The following RMND5A variants were observed in gnomAD, a reference collection of about 807,000 sequenced individuals.
The protein encoded by RMND5A is required for meiotic nuclear division 5 homolog A.
A neutral mutation model predicts 49.7 loss-of-function variants in RMND5A; 17 were observed. The ratio of observed to expected loss-of-function variants is 0.34; its 90% CI spans 0.23 to 0.51. The LOEUF is 0.51. Ranked by LOEUF, RMND5A falls within the 20% of genes least tolerant of loss-of-function variation. The pLI, the probability that RMND5A is intolerant of heterozygous loss-of-function variation, is 0.96. For missense variants in RMND5A, 255 were observed against 471.3 expected, an observed-to-expected ratio of 0.54 and a Z score of 4.25; for synonymous variants, 156 against 167.7, an observed-to-expected ratio of 0.93 and a Z score of 0.54.
chr2:86,733,721 GTTTC>G (rs1681369292), intron 1 of RMND5A, among the ~76,000 whole-genome samples: 1 of 134,930 alleles, frequency 7.4e-6, no homozygotes, highest in Non-Finnish European at 1.5e-5. Context: ...CGTCAGAGTT[GTTTC>G]TTTCAGGCTC....
chr2:86,770,165 A>G (rs1029412559), intron 7 of RMND5A, 40 bp downstream of exon 7: 4 of 1,322,226 alleles, frequency 3.0e-6, no homozygotes, highest in South Asian at 2.3e-5. Flanking sequence ...TTTTACTGCC[A>G]TTAGAAGAAT....
chr2:86,763,970 G>T (rs577811951), intron 4 of RMND5A, among the ~76,000 whole-genome samples: 2 of 152,192 alleles, frequency 1.3e-5, no homozygotes, highest in African/African-American at 4.8e-5. Flanking sequence ...TGACTGTAAG[G>T]TGTGAATACA....
Position 86,775,804 on chromosome 2 carries a change from G to C in RMND5A, c.*2393G>C, listed in dbSNP as rs1672759112. On this transcript the variant is annotated 3_prime_UTR_variant, in exon 9 of 9. Transcript: ENST00000283632. ...CATGAGAGACTAAATGTGAGGGAGA[G>C]GTGGATTTAAAGAGGCCAGACCTTA... 1 of 152,052 alleles carries C rather than the reference G, an allele frequency of 6.6e-6. No individual in the cohort carries two copies. The highest frequency in any genetic ancestry group is 6.6e-5 in the Admixed American group (1 of 15,250). 9.4% of individuals were successfully genotyped at this position (152,052 alleles called of 1,614,324 possible).
chr2:86,725,351 C>T (rs566089824), intron 1 of RMND5A, among the ~76,000 whole-genome samples: 1 of 144,228 alleles, frequency 6.9e-6, no homozygotes, highest in African/African-American at 2.6e-5. Context: ...CACCTGGTTG[C>T]CCACTTCACA....
At chr2:86,770,559 A>G (rs1472309839) in intron 7 of RMND5A, among the ~76,000 whole-genome samples, 4 of 152,226 alleles carry the variant, frequency 2.6e-5, no homozygotes, top group Non-Finnish European at 5.9e-5. Flanking sequence ...AGAGCTCTTA[A>G]AGGTCGTAAC....
chr2:86,754,266 A>C (rs1681691491), intron 4 of RMND5A, among the ~76,000 whole-genome samples: 1 of 152,238 alleles, frequency 6.6e-6, no homozygotes, highest in Non-Finnish European at 1.5e-5. Context: ...AGCAAGCTGT[A>C]TGTGGCCTGT....
At position 86,751,937 on chromosome 2, in the gene RMND5A, C is replaced by T. The variant is rs537969101; in HGVS notation, c.327C>T (p.Cys109=). The T allele has an allele frequency of 1.3e-5, 21 of 1,613,400 alleles. No individual in the cohort carries two copies. In the East Asian group the frequency reaches 4.0e-4, roughly 31 times the overall value. Residue 109 remains cysteine, a synonymous_variant, in exon 3 of 9, where the codon TGC becomes TGT. Transcript: ENST00000283632. ...TTAGCAGTGTGGGAATAGATGGCTG[C>T]TGGCAGGCAGACAGCCAAAGGCTTC... ...SDISSVGIDG[C]WQADSQRLLN...
chr2:86,749,825 A>G (rs1681602473), intron 2 of RMND5A, among the ~76,000 whole-genome samples: 1 of 152,184 alleles, frequency 6.6e-6, no homozygotes, highest in Non-Finnish European at 1.5e-5. Context: ...ACCTTAATGT[A>G]TGTATTCAGT....
At chr2:86,752,132 G>A (rs1681646659) in intron 3 of RMND5A, 102 bp downstream of exon 3, 16 of 1,037,426 alleles carry the variant, frequency 1.5e-5, no homozygotes, top group Non-Finnish European at 2.2e-5. Flanking sequence ...TCTAGCTATA[G>A]ATAGATTTTT....
At chr2:86,766,211 G>GTGTA (rs1190982285) in intron 6 of RMND5A, among the ~76,000 whole-genome samples, 187 bp downstream of exon 6, 1 of 152,160 alleles carries the variant, frequency 6.6e-6, no homozygotes, top group Non-Finnish European at 1.5e-5. Flanking sequence ...TGAAAGTGTG[G>GTGTA]TGTATGAACC....
chr2:86,742,648 G>T (rs2063848), intron 2 of RMND5A, among the ~76,000 whole-genome samples: 100,543 of 151,644 alleles, frequency 0.66, 33,636 homozygotes, highest in East Asian at 0.91. Flanking sequence ...TAGAGGTACA[G>T]TAACTACTGG....
chr2:86,723,999 G>A lies in RMND5A; in HGVS notation c.142+3190G>A, dbSNP rs570389176. ...ACTTGGGGAAATGAGGATAGTATGGGCTGGTCTCTCATACCTGGTGAATTG... is the reference window on the plus strand; with the variant it reads ...ACTTGGGGAAATGAGGATAGTATGGACTGGTCTCTCATACCTGGTGAATTG... On this transcript the variant is annotated intron_variant, in intron 1 of 8. Coordinates refer to ENST00000283632, the MANE Select transcript of RMND5A (RefSeq NM_022780.4). Among the ~76,000 whole-genome samples the A allele has an allele frequency of 1.2e-3, 177 of 152,134 alleles. 1 individual carries two copies. The highest frequency in any genetic ancestry group is 3.6e-3 in the African/African-American group (149 of 41,414).
chr2:86,758,879 AT>A (rs1166774032), intron 4 of RMND5A, among the ~76,000 whole-genome samples: 6 of 152,136 alleles, frequency 3.9e-5, no homozygotes, highest in African/African-American at 1.4e-4. Context: ...CATTCTCTGA[AT>A]TTTTTTAAGC....
At chr2:86,724,183 T>C (rs1439450905) in intron 1 of RMND5A, among the ~76,000 whole-genome samples, 1 of 138,020 alleles carries the variant, frequency 7.2e-6, no homozygotes, top group East Asian at 2.2e-4. Flanking sequence ...AGTGCAGGCT[T>C]CGACTTGGTG....
intron 3 of RMND5A, 86 bp from the exon 4 acceptor site, chr2:86,753,372 A>G (rs1681670919): frequency 2.6e-6 from 2 of 758,738 alleles, no homozygotes; most frequent in African/African-American, 1.7e-5. Context: ...CTTGCCCCAT[A>G]TTTTACAATC....
In RMND5A at chr2:86,765,989, C is replaced by T. The variant is rs777139018; in HGVS notation, c.819C>T (p.Leu273=). ...TCTTTACACGGGATGCTTGTGCCCT[C>T]CTGGGGCTCTCCGTGGAGTCCCCTC... The part of the protein sequence containing the change: ...CDIFTRDACA[L]LGLSVESPLS... Residue 273 remains leucine, a synonymous_variant, in exon 6 of 9, where the codon CTC becomes CTT. Transcript: ENST00000283632. The T allele has an allele frequency of 6.2e-7, 1 of 1,614,114 alleles. No individual in the cohort carries two copies. The highest frequency in any genetic ancestry group is 1.7e-5 in the Admixed American group (1 of 60,016).
At position 86,753,506 on chromosome 2, in the gene RMND5A, T is replaced by A; in HGVS notation, c.469T>A (p.Leu157Ile). Residue 157 changes from leucine (L) to isoleucine (I), a missense_variant, in exon 4 of 9, where the codon TTA becomes ATA. Transcript: ENST00000283632. ...DPSQKEPFVE[L>I]NRILEALKVR... ...AAGTCAGAAGGAACCATTTGTGGAG[T>A]TAAATAGAATATTAGAGGCATTAAA... The A allele has an allele frequency of 6.2e-7, 1 of 1,612,052 alleles. No individual in the cohort carries two copies. Among genetic ancestry groups the A allele is most frequent in the Non-Finnish European group, 8.5e-7 (1 of 1,178,378 alleles).
At chr2:86,765,552 A>G (rs1367403666) in intron 5 of RMND5A, 6 of 365,032 alleles carry the variant, frequency 1.6e-5, no homozygotes, top group East Asian at 1.1e-4. Context: ...TGTAGGAAAC[A>G]TTAACTCTGC....
rs1472757433 is a variant in RMND5A at position 86,776,840 on chromosome 2, A to G, written c.*3429A>G. 1 of 149,198 alleles carries G rather than the reference A, an allele frequency of 6.7e-6. No homozygotes were observed. Among genetic ancestry groups the G allele is most frequent in the African/African-American group, 2.5e-5 (1 of 40,090 alleles). The allele number at this position is 149,198 out of a possible 1,614,324, so 9.2% of individuals were successfully genotyped here. A position where few individuals can be genotyped will look rare whatever the true frequency, so the allele number is the denominator to read the frequency against. ...AATACCTTTCTTTCATCACTTAACTATACGTACTTTATCTCTGGTAACACT... is the reference window on the plus strand; with the variant it reads ...AATACCTTTCTTTCATCACTTAACTGTACGTACTTTATCTCTGGTAACACT... On this transcript the variant is annotated 3_prime_UTR_variant, in exon 9 of 9. Coordinates refer to ENST00000283632, the MANE Select transcript of RMND5A (RefSeq NM_022780.4).
Sources: allele counts gnomAD v4.1 joint callset (sites outside exome capture counted in the v4.1 genomes callset), GRCh38; gene constraint gnomAD v4.1.1; transcripts MANE v1.5; gene names NCBI Gene and HGNC (gene_info 2026-07-23, HGNC 2026-07-21).